The following CDH13 variants were observed in gnomAD, a reference collection of about 807,000 sequenced individuals.
CDH13 encodes the protein cadherin 13, also known as cadherin-13.
A neutral mutation model predicts 63.8 loss-of-function variants in CDH13; 24 were observed. That is an observed-to-expected ratio of 0.38 (90% CI 0.27 to 0.53). The LOEUF is 0.53. CDH13 is among the 20% of genes least tolerant of loss of function. The probability of loss-of-function intolerance (pLI) is 0.85; values close to 1 mark genes in which losing one functional copy is unlikely to be tolerated. For missense variants in CDH13, 1,049 were observed against 903.1 expected (o/e 1.16, Z -2.07); for synonymous variants, 503 against 355.3 (o/e 1.42, Z -4.67).
intron 2 of CDH13, among the ~76,000 whole-genome samples, chr16:83,025,102 A>C (rs1207023154): frequency 2.0e-5 from 3 of 152,224 alleles, no homozygotes; most frequent in African/African-American, 7.2e-5. Flanking sequence ...CTTAGTGCCC[A>C]GAATTATGGC....
chr16:83,148,330 CAT>C (rs1240816649), intron 4 of CDH13, among the ~76,000 whole-genome samples: 1 of 147,544 alleles, frequency 6.8e-6, no homozygotes, highest in Admixed American at 6.6e-5. Context: ...ATGTAGACAA[CAT>C]GGGTACCATG....
At position 83,761,334 on chromosome 16, in the gene CDH13, G is replaced by C. The variant is rs182033822; in HGVS notation, c.1681+13084G>C. On this transcript the variant is annotated intron_variant, in intron 11 of 13. Coordinates refer to ENST00000567109, the MANE Select transcript of CDH13 (RefSeq NM_001257.5). ...AGGAAAAGACACGTTGTAACCAACA[G>C]AATATTCAAGGTACTTTCTTTAAAC... Among the ~76,000 whole-genome samples the C allele has an allele frequency of 1.3e-3, 196 of 152,370 alleles. 1 individual carries two copies. Among genetic ancestry groups the C allele is most frequent in the African/African-American group, 4.5e-3 (186 of 41,588 alleles).
chr16:83,155,769 A>G (rs1308984981), intron 4 of CDH13, among the ~76,000 whole-genome samples: 3 of 152,340 alleles, frequency 2.0e-5, no homozygotes, highest in African/African-American at 7.2e-5. Context: ...AACTGCAAAC[A>G]GATGATATAA....
chr16:83,280,622 C>A (rs956390160), intron 5 of CDH13, among the ~76,000 whole-genome samples: 2 of 152,156 alleles, frequency 1.3e-5, no homozygotes, highest in African/African-American at 4.8e-5. Flanking sequence ...AATTCTTTCC[C>A]GAAGGTTTTC....
chr16:82,945,992 G>C (rs932639303), intron 2 of CDH13, among the ~76,000 whole-genome samples: 9 of 151,980 alleles, frequency 5.9e-5, no homozygotes, highest in Admixed American at 5.3e-4. Context: ...TTGTCCTTCC[G>C]TATGTTTTGT....
At chr16:82,791,915 G>A (rs566138816) in intron 1 of CDH13, among the ~76,000 whole-genome samples, 59 of 152,314 alleles carry the variant, frequency 3.9e-4, no homozygotes, top group African/African-American at 1.4e-3. Flanking sequence ...CAAAAGGCTT[G>A]CTGCCATCTT....
At chr16:82,840,009 C>T (rs992721088) in intron 1 of CDH13, among the ~76,000 whole-genome samples, 1 of 152,162 alleles carries the variant, frequency 6.6e-6, no homozygotes, top group African/African-American at 2.4e-5. Context: ...CTCAAACAGA[C>T]ATGAGAAGAA....
intron 1 of CDH13, among the ~76,000 whole-genome samples, chr16:82,787,841 A>AGTGTGTGTGTGTGTGTGT (rs10528183): frequency 9.5e-5 from 14 of 146,758 alleles, no homozygotes; most frequent in South Asian, 6.7e-4. Flanking sequence ...GAAGGGAGGA[A>AGTGTGTGTGTGTGTGTGT]GTGTGTGTGT....
intron 11 of CDH13, among the ~76,000 whole-genome samples, chr16:83,779,687 T>C (rs993430324): frequency 1.3e-5 from 2 of 151,776 alleles, no homozygotes; most frequent in Non-Finnish European, 2.9e-5. Flanking sequence ...TCCTCTTAGA[T>C]GTAAATGCTA....
intron 6 of CDH13, among the ~76,000 whole-genome samples, chr16:83,463,437 C>T (rs1191066774): frequency 6.6e-6 from 1 of 152,222 alleles, no homozygotes; most frequent in Non-Finnish European, 1.5e-5. Flanking sequence ...CTTTGCAGAA[C>T]AGCGGCAGTG....
chr16:83,053,684 T>C (rs1026762755), intron 3 of CDH13, among the ~76,000 whole-genome samples: 8 of 152,188 alleles, frequency 5.3e-5, no homozygotes, highest in Non-Finnish European at 1.0e-4. Flanking sequence ...GCTATGCTAT[T>C]ATCAGAGGAA....
chr16:83,748,674 T>A (rs971060927), intron 11 of CDH13, among the ~76,000 whole-genome samples: 2 of 152,194 alleles, frequency 1.3e-5, no homozygotes, highest in Admixed American at 1.3e-4. Flanking sequence ...TATGACACGC[T>A]GCCAAGGAAA....
intron 7 of CDH13, among the ~76,000 whole-genome samples, chr16:83,495,866 C>T (rs1407873452): frequency 1.3e-5 from 2 of 152,102 alleles, no homozygotes; most frequent in African/African-American, 4.8e-5. Context: ...TAACCATTAA[C>T]AGACAAACAG....
At chr16:83,120,919 A>T in intron 3 of CDH13, among the ~76,000 whole-genome samples, 1 of 151,828 alleles carries the variant, frequency 6.6e-6, no homozygotes, top group Non-Finnish European at 1.5e-5. Context: ...AGGTGCCACC[A>T]CACCTAGCTA....
At chr16:83,166,365 G>A (rs760058034) in intron 4 of CDH13, among the ~76,000 whole-genome samples, 8 of 152,170 alleles carry the variant, frequency 5.3e-5, no homozygotes, top group South Asian at 2.1e-4. Flanking sequence ...AGGACCTCTC[G>A]GCCCAGACAG....
rs180686842 is a variant in CDH13, at chr16:82,933,577, A to T, written c.157+75104A>T. ...ATTATGCCTTCCCAACAGTTTCCCA[A>T]AGTCGTAACTCATTTTGGCATTAAC... On this transcript the variant is annotated intron_variant, in intron 2 of 13. Transcript: ENST00000567109. Among the ~76,000 whole-genome samples, 75 of 152,268 alleles carry T rather than the reference A, an allele frequency of 4.9e-4. 1 individual carries two copies. In the East Asian group the frequency reaches 0.011, roughly 23 times the overall value.
At chr16:83,512,783 A>G (rs1423461062) in intron 7 of CDH13, among the ~76,000 whole-genome samples, 1 of 152,148 alleles carries the variant, frequency 6.6e-6, no homozygotes, top group Non-Finnish European at 1.5e-5. Context: ...GTGGACTAGA[A>G]GTAGCCACAT....
rs984046132 is a variant in CDH13 at position 83,798,656 on chromosome 16, G to T, written c.*3626G>T. ...CATCACAATGCCACTCTCAACCCAG[G>T]AGCAAAACCAGACAAAGTGCCTACT... On this transcript the variant is annotated 3_prime_UTR_variant, in exon 14 of 14. Coordinates refer to ENST00000567109, the MANE Select transcript of CDH13 (RefSeq NM_001257.5). 7 of 152,118 alleles carry T rather than the reference G, an allele frequency of 4.6e-5. No individual in the cohort carries two copies. Among genetic ancestry groups the T allele is most frequent in the African/African-American group, 1.7e-4 (7 of 41,398 alleles). 9.4% of individuals were successfully genotyped at this position (152,118 alleles called of 1,614,324 possible).
chr16:83,369,636 G>A (rs918012492), intron 6 of CDH13, among the ~76,000 whole-genome samples: 6 of 152,030 alleles, frequency 3.9e-5, no homozygotes, highest in Admixed American at 1.3e-4. Context: ...TGTTGCCGAG[G>A]TTGGTCTCAC....
Sources: gnomAD v4.1 joint callset for allele counts (sites outside exome capture counted in the v4.1 genomes callset) on GRCh38, gnomAD v4.1.1 for gene constraint, MANE v1.5 for transcripts, NCBI Gene and HGNC (gene_info 2026-07-23, HGNC 2026-07-21) for gene names.